Variants in PPP6R3 observed in about 807,000 individuals in gnomAD.
The protein encoded by PPP6R3 is protein phosphatase 6 regulatory subunit 3, also known as serine/threonine-protein phosphatase 6 regulatory subunit 3.
Under a neutral mutation model 110.7 loss-of-function variants are expected in PPP6R3, and 38 were observed. The ratio of observed to expected loss-of-function variants is 0.34; its 90% CI spans 0.26 to 0.45. The LOEUF (loss-of-function observed/expected upper bound fraction) is 0.45, where lower values mean the gene tolerates loss of function less well. Ranked by LOEUF, PPP6R3 falls within the 20% of genes least tolerant of loss-of-function variation. The pLI is 1.00. For missense variants in PPP6R3, 870 were observed against 1,062.4 expected, an observed-to-expected ratio of 0.82 and a Z score of 2.52; for synonymous variants, 369 against 373.5, an observed-to-expected ratio of 0.99 and a Z score of 0.14.
At chr11:68,460,998 G>C (rs1475469216) in intron 1 of PPP6R3, among the ~76,000 whole-genome samples, 171 bp downstream of exon 1, 1 of 151,750 alleles carries the variant, frequency 6.6e-6, no homozygotes, top group African/African-American at 2.4e-5. Flanking sequence ...GAGGCGCGGC[G>C]CCGAGTCCTT....
intron 1 of PPP6R3, among the ~76,000 whole-genome samples, chr11:68,517,102 GTTCT>G (rs774448376): frequency 7.4e-5 from 11 of 148,044 alleles, no homozygotes; most frequent in South Asian, 4.3e-4. Context: ...CTGTTTTTTT[GTTCT>G]TTCTTTTTTT....
Position 68,493,649 on chromosome 11 carries a change from C to T in PPP6R3, c.-157-25852C>T, listed in dbSNP as rs142736918. On this transcript the variant is annotated intron_variant, in intron 1 of 23. Coordinates refer to ENST00000393800, the MANE Select transcript of PPP6R3 (RefSeq NM_001164161.2). ...TATATATATATATAAAATATATATA[C>T]AAAAAAATACACACACACACAGAGA... Among the ~76,000 whole-genome samples, 1,138 of 143,240 alleles carry T rather than the reference C, an allele frequency of 7.9e-3. 18 individuals carry two copies. Among genetic ancestry groups the T allele is most frequent in the African/African-American group, 0.028 (1,076 of 39,102 alleles). The allele number at this position is 143,240 out of a possible 152,430, so 94.0% of individuals were successfully genotyped here. A position where few individuals can be genotyped will look rare whatever the true frequency, so the allele number is the denominator to read the frequency against.
At chr11:68,564,273 A>T in intron 8 of PPP6R3, 30 bp from the exon 9 acceptor site, 2 of 1,573,804 alleles carry the variant, frequency 1.3e-6, no homozygotes, top group South Asian at 2.3e-5. Flanking sequence ...CTGAAATTAT[A>T]ATAACTAAAA....
intron 1 of PPP6R3, chr11:68,515,139 T>A (rs917406640): frequency 2.0e-5 from 3 of 150,924 alleles, no homozygotes; most frequent in African/African-American, 7.3e-5. Flanking sequence ...GCTTCGGGGG[T>A]CCCAGCCATT....
chr11:68,500,561 T>C (rs1002804668), intron 1 of PPP6R3, among the ~76,000 whole-genome samples: 1 of 152,242 alleles, frequency 6.6e-6, no homozygotes, highest in Non-Finnish European at 1.5e-5. Flanking sequence ...CACTGCAACC[T>C]CCACCACCTG....
intron 2 of PPP6R3, among the ~76,000 whole-genome samples, chr11:68,531,307 TTTTATTTATTTA>T (rs67798708): frequency 2.0e-3 from 276 of 137,012 alleles, no homozygotes; most frequent in Non-Finnish European, 2.8e-3. Flanking sequence ...TGAGACTGTG[TTTTATTTATTTA>T]TTTATTTATT....
rs570086354 is a variant in PPP6R3, at chr11:68,461,837, T to C, written c.-158+1010T>C. ...TTTATTCGTGGGACGTTTACTTTGA[T>C]TTTGTCCTCAAGGTCATGTTGCAGA... On this transcript the variant is annotated intron_variant, in intron 1 of 23. Coordinates refer to ENST00000393800, the MANE Select transcript of PPP6R3 (RefSeq NM_001164161.2). Among the ~76,000 whole-genome samples, 6 of 152,310 alleles carry C rather than the reference T, an allele frequency of 3.9e-5. No individual in the cohort carries two copies. The South Asian group carries it at 1.2e-3, about 32-fold the overall frequency.
chr11:68,605,069 G>C (rs1200712649), intron 22 of PPP6R3, among the ~76,000 whole-genome samples: 1 of 152,210 alleles, frequency 6.6e-6, no homozygotes, highest in African/African-American at 2.4e-5. Context: ...GCCGAGTGTG[G>C]TGGCTTGCAC....
rs775497122 is a variant in PPP6R3 at position 68,613,023 on chromosome 11, T to C, written c.2571-43T>C. The stretch of plus-strand genomic sequence containing the variant: ...AGCTAAGTAGGTTTTGTTTTTCATA[T>C]TTCTGCTGCAAGTGCCTCCGATGCC... On this transcript the variant is annotated intron_variant, in intron 23 of 23. Transcript: ENST00000393800. 6.2e-6 allele frequency: 10 copies of C among 1,613,932 alleles called. No homozygotes were observed. In the South Asian group the frequency reaches 6.6e-5, roughly 11 times the overall value.
intron 1 of PPP6R3, among the ~76,000 whole-genome samples, chr11:68,516,788 C>T (rs1222520581): frequency 2.6e-5 from 4 of 152,308 alleles, no homozygotes; most frequent in Non-Finnish European, 5.9e-5. Context: ...TTTTCCACAG[C>T]TGCTGTACCA....
chr11:68,519,062 C>T (rs936366818), intron 1 of PPP6R3, among the ~76,000 whole-genome samples: 14 of 152,324 alleles, frequency 9.2e-5, no homozygotes, highest in African/African-American at 3.1e-4. Flanking sequence ...ATGTTCTACT[C>T]ACGCTTCCTG....
chr11:68,511,500 A>G, intron 1 of PPP6R3, among the ~76,000 whole-genome samples: 2 of 60,922 alleles, frequency 3.3e-5, no homozygotes, highest in Middle Eastern at 0.011. Flanking sequence ...GTGTGTTTTG[A>G]GTTGGAGTCT....
In PPP6R3 at chr11:68,614,922, G is replaced by A. The variant is rs1944960521; in HGVS notation, c.*1805G>A. ...CTGGTGGTGAGTTTTGCCAGCCATG[G>A]CCAGGGTTTGGCTCCACTGGTGGCA... On this transcript the variant is annotated 3_prime_UTR_variant, in exon 24 of 24. Transcript: ENST00000393800. 1.4e-6 allele frequency: 1 copy of A among 711,152 alleles called. No homozygotes were observed. The highest frequency in any genetic ancestry group is 2.4e-6 in the Non-Finnish European group (1 of 409,090). 44.1% of individuals were successfully genotyped at this position (711,152 alleles called of 1,614,324 possible). A position where few individuals can be genotyped will look rare whatever the true frequency, so the allele number is the denominator to read the frequency against.
chr11:68,556,352 C>T (rs187381587), intron 7 of PPP6R3, among the ~76,000 whole-genome samples: 39 of 152,206 alleles, frequency 2.6e-4, no homozygotes, highest in African/African-American at 8.4e-4. Flanking sequence ...GGGAAGCAAT[C>T]TGGGCTTAAA....
At chr11:68,533,059 G>T (rs1378757314) in intron 2 of PPP6R3, among the ~76,000 whole-genome samples, 1 of 152,134 alleles carries the variant, frequency 6.6e-6, no homozygotes, top group Non-Finnish European at 1.5e-5. Flanking sequence ...CTGACTTTTT[G>T]GTTTTTCTGT....
chr11:68,499,531 T>C (rs1437788352), intron 1 of PPP6R3, among the ~76,000 whole-genome samples: 1 of 152,118 alleles, frequency 6.6e-6, no homozygotes, highest in Non-Finnish European at 1.5e-5. Flanking sequence ...ACGTAGCATC[T>C]AGCTTTGCCA....
At chr11:68,572,532 A>G (rs924782501) in intron 12 of PPP6R3, among the ~76,000 whole-genome samples, 2 of 152,068 alleles carry the variant, frequency 1.3e-5, no homozygotes. Flanking sequence ...TGAAGAACTA[A>G]AAGAGACTCT....
At chr11:68,525,405 A>G (rs954319115) in intron 2 of PPP6R3, among the ~76,000 whole-genome samples, 2 of 152,216 alleles carry the variant, frequency 1.3e-5, no homozygotes, top group African/African-American at 2.4e-5. Flanking sequence ...TATAAAGACC[A>G]TTCTCTGTTG....
At chr11:68,553,926 T>G (rs1384259124) in intron 6 of PPP6R3, among the ~76,000 whole-genome samples, 1 of 152,214 alleles carries the variant, frequency 6.6e-6, no homozygotes, top group Non-Finnish European at 1.5e-5. Flanking sequence ...GACATCTCCC[T>G]GCACATAGCA....
Sources: allele counts gnomAD v4.1 joint callset (sites outside exome capture counted in the v4.1 genomes callset), GRCh38; gene constraint gnomAD v4.1.1; transcripts MANE v1.5; gene names NCBI Gene and HGNC (gene_info 2026-07-23, HGNC 2026-07-21).